LRRC71: variants seen among roughly 807,000 people sequenced by gnomAD.
The protein encoded by LRRC71 is leucine-rich repeat-containing protein 71.
In LRRC71, 54 loss-of-function variants were observed where a neutral mutation model predicts 66.6. The ratio of observed to expected loss-of-function variants is 0.81; its 90% CI spans 0.65 to 1.02. The LOEUF is 1.02. Among genes scored for constraint, LRRC71 ranks in the 50% least tolerant of loss-of-function variants. The probability of loss-of-function intolerance (pLI) is 0.00; values close to 1 mark genes in which losing one functional copy is unlikely to be tolerated. For missense variants in LRRC71, 724 were observed against 718.0 expected (o/e 1.01, Z -0.10); for synonymous variants, 323 against 303.9 (o/e 1.06, Z -0.65).
downstream of LRRC71, chr1:156,937,530 C>A (rs750056112): frequency 6.7e-7 from 1 of 1,503,118 alleles, no homozygotes. Flanking sequence ...GATCAGGAGG[C>A]AAACAGAGAA....
Position 156,920,639 on chromosome 1 carries a change from T to G in LRRC71, c.-165T>G. ...GCCCGCCCGCCTCGCGCGGTTGTCTTGGAGAGGGACGCGTAGGCTACGCCA... is the reference window on the plus strand; with the variant it reads ...GCCCGCCCGCCTCGCGCGGTTGTCTGGGAGAGGGACGCGTAGGCTACGCCA... On this transcript the variant is annotated 5_prime_UTR_variant, in exon 1 of 15. Coordinates refer to ENST00000337428, the MANE Select transcript of LRRC71 (RefSeq NM_144702.3). The surrounding 1 kb of genome is among the most constrained non-coding windows in gnomAD (Gnocchi z 4.9). The G allele has an allele frequency of 9.3e-6, 8 of 864,096 alleles. No individual in the cohort carries two copies. Among genetic ancestry groups the G allele is most frequent in the Non-Finnish European group, 1.3e-5 (8 of 635,336 alleles). 53.5% of individuals were successfully genotyped at this position (864,096 alleles called of 1,614,324 possible). A position where few individuals can be genotyped will look rare whatever the true frequency, so the allele number is the denominator to read the frequency against.
Position 156,923,905 on chromosome 1 carries a change from G to A in LRRC71, c.161-44G>A, listed in dbSNP as rs1212624020. 4 of 1,421,114 alleles carry A rather than the reference G, an allele frequency of 2.8e-6. No individual in the cohort carries two copies. The Admixed American group carries it at 1.2e-4, about 44-fold the overall frequency. The allele number at this position is 1,421,114 out of a possible 1,614,324, so 88.0% of individuals were successfully genotyped here. A position where few individuals can be genotyped will look rare whatever the true frequency, so the allele number is the denominator to read the frequency against. On this transcript the variant is annotated intron_variant, in intron 1 of 14. Coordinates refer to ENST00000337428, the MANE Select transcript of LRRC71 (RefSeq NM_144702.3). ...GCGCGGGAGAGCTTGGGGATGCGGG[G>A]GTGGGCGTGGCCCCTTCTCTCACGC... is the stretch of plus-strand genomic sequence containing the variant.
intron 5 of LRRC71, among the ~76,000 whole-genome samples, chr1:156,926,030 A>G (rs1653143708): frequency 2.6e-5 from 4 of 152,396 alleles, no homozygotes; most frequent in African/African-American, 9.6e-5. Flanking sequence ...GTTGAACAAA[A>G]TAAGAAATCA....
chr1:156,927,360 A>G (rs1046165446), intron 6 of LRRC71, 90 bp downstream of exon 6: 6 of 1,538,312 alleles, frequency 3.9e-6, no homozygotes, highest in East Asian at 2.3e-5. Flanking sequence ...TCCCCCTACC[A>G]TCTCGGCAAG....
At chr1:156,934,601 G>C (rs189258795), downstream of LRRC71, among the ~76,000 whole-genome samples, 1 of 152,074 alleles carries the variant, frequency 6.6e-6, no homozygotes, top group Non-Finnish European at 1.5e-5. Context: ...ATATCTGTGT[G>C]TGTGTAACTG....
At chr1:156,940,288 T>C in the LRRC71 span, 1 of 1,613,448 alleles carries the variant, frequency 6.2e-7, no homozygotes, top group Non-Finnish European at 8.5e-7. Flanking sequence ...CTTGTCCTGA[T>C]GCCCCTGTTC....
At chr1:156,939,403 G>C in the LRRC71 span, 1 of 1,116,382 alleles carries the variant, frequency 9.0e-7, no homozygotes, top group Admixed American at 2.3e-5. Context: ...TGATATCGGC[G>C]TTGTCTCCTT....
At chr1:156,932,309 G>C in intron 13 of LRRC71, 115 bp from the exon 14 acceptor site, 1 of 823,436 alleles carries the variant, frequency 1.2e-6, no homozygotes, top group South Asian at 1.6e-5. Flanking sequence ...GTGTGCCTGG[G>C]CCAGTGAGTC....
At chr1:156,933,585 T>C (rs963486939), downstream of LRRC71, among the ~76,000 whole-genome samples, 2 of 152,222 alleles carry the variant, frequency 1.3e-5, no homozygotes, top group African/African-American at 4.8e-5. Context: ...AACATCTACA[T>C]AGCAAAGGCT....
downstream of LRRC71, chr1:156,937,454 G>A: frequency 1.3e-6 from 2 of 1,547,262 alleles, no homozygotes; most frequent in Non-Finnish European, 1.7e-6. Context: ...GTCGGTGCTT[G>A]AGTCCGGGGG....
At position 156,920,651 on chromosome 1, in the gene LRRC71, C is replaced by T; in HGVS notation, c.-153C>T. 2.1e-6 allele frequency: 2 copies of T among 966,654 alleles called. No individual in the cohort carries two copies. The highest frequency in any genetic ancestry group is 2.8e-6 in the Non-Finnish European group (2 of 724,840). 59.9% of individuals were successfully genotyped at this position (966,654 alleles called of 1,614,324 possible). A position where few individuals can be genotyped will look rare whatever the true frequency, so the allele number is the denominator to read the frequency against. ...CGCGCGGTTGTCTTGGAGAGGGACG[C>T]GTAGGCTACGCCACCGCGGACGGGT... On this transcript the variant is annotated 5_prime_UTR_variant, in exon 1 of 15. Transcript: ENST00000337428. This position sits in a 1 kb window ranked among gnomAD's most constrained non-coding sequence, Gnocchi z 4.9.
At chr1:156,925,790 A>C (rs1197264146) in intron 5 of LRRC71, among the ~76,000 whole-genome samples, 2 of 152,176 alleles carry the variant, frequency 1.3e-5, no homozygotes, top group African/African-American at 4.8e-5. Flanking sequence ...TTCCTCCTGT[A>C]GATGGCATGG....
intron 1 of LRRC71, among the ~76,000 whole-genome samples, chr1:156,922,745 G>T (rs28454849): frequency 0.18 from 26,964 of 152,112 alleles, 2,438 homozygotes; most frequent in East Asian, 0.31. Context: ...TGCAAAATCA[G>T]GGCTCTCACC....
chr1:156,929,048 C>A (rs1281813386), intron 9 of LRRC71, among the ~76,000 whole-genome samples: 2 of 152,264 alleles, frequency 1.3e-5, no homozygotes, highest in African/African-American at 4.8e-5. Flanking sequence ...AAGTCTGAGA[C>A]CCTGCCTCAC....
At chr1:156,930,044 CTCTT>C (rs5778011) in intron 11 of LRRC71, among the ~76,000 whole-genome samples, 128 of 127,970 alleles carry the variant, frequency 1.0e-3, no homozygotes, top group South Asian at 1.1e-3. Flanking sequence ...TTCTTTCTTT[CTCTT>C]TCTTTCTTTC....
In LRRC71 at chr1:156,924,539, A is replaced by C. The variant is rs1652892963; in HGVS notation, c.426A>C (p.Glu142Asp). ...AGGAGGACAGCAAGTCAGTGAAGGAAATCTACATCCGCGGTGAGCCCCGCT... is the reference window on the plus strand; with the variant it reads ...AGGAGGACAGCAAGTCAGTGAAGGACATCTACATCCGCGGTGAGCCCCGCT... ...LEQEDSKSVKEIYIRGWKVEE... is the reference protein window; with the variant it reads ...LEQEDSKSVKDIYIRGWKVEE... The change falls in exon 3 of 15, where the codon GAA becomes GAC. Residue 142 changes from glutamate (E) to aspartate (D), a missense_variant. By Grantham distance (45) the Glu-to-Asp change is conservative. Transcript: ENST00000337428. 7 of 1,551,358 alleles carry C rather than the reference A, an allele frequency of 4.5e-6. No homozygotes were observed. Among genetic ancestry groups the C allele is most frequent in the Non-Finnish European group, 6.1e-6 (7 of 1,146,916 alleles).
chr1:156,924,402 C>G, intron 2 of LRRC71, 22 bp from the exon 3 acceptor site: 1 of 1,545,864 alleles, frequency 6.5e-7, no homozygotes, highest in Non-Finnish European at 8.7e-7. Context: ...TGTTCCCCTC[C>G]CTCCTCACCT....
the LRRC71 span, chr1:156,938,372 C>A: frequency 1.3e-6 from 2 of 1,571,234 alleles, no homozygotes; most frequent in Non-Finnish European, 8.7e-7. Context: ...ACAGGTTCCA[C>A]ACTCCAGTCT....
In LRRC71 at chr1:156,921,658, G is replaced by T. The variant is rs1652387322; in HGVS notation, c.160+695G>T. On this transcript the variant is annotated intron_variant, in intron 1 of 14. Transcript: ENST00000337428. The stretch of plus-strand genomic sequence containing the variant: ...GCTGGAGAAACAACATCTTCTGGAA[G>T]GGAAGACAAGACAGTATACAATCCC... 4.1e-6 allele frequency: 4 copies of T among 984,398 alleles called. No individual in the cohort carries two copies. In the South Asian group the frequency reaches 1.9e-4, roughly 46 times the overall value. The allele number at this position is 984,398 out of a possible 1,614,324, so 61.0% of individuals were successfully genotyped here.
Sources: gnomAD v4.1 joint callset for allele counts (sites outside exome capture counted in the v4.1 genomes callset) on GRCh38, gnomAD v4.1.1 for gene constraint, Gnocchi (gnomAD v3.1) non-coding constraint, MANE v1.5 for transcripts, NCBI Gene and HGNC (gene_info 2026-07-23, HGNC 2026-07-21) for gene names.